Variants in CMSS1 observed in about 807,000 individuals in gnomAD.
CMSS1 encodes protein CMSS1.
In CMSS1, 33 loss-of-function variants were observed where a neutral mutation model predicts 43.5. The observed-to-expected ratio is 0.76, with a 90% confidence interval of 0.57 to 1.01. The LOEUF (loss-of-function observed/expected upper bound fraction) is 1.01. Ranked by LOEUF, CMSS1 falls within the 50% of genes least tolerant of loss-of-function variation. The probability of loss-of-function intolerance (pLI) is 0.00; values close to 1 mark genes in which losing one functional copy is unlikely to be tolerated. For missense variants in CMSS1, 313 were observed against 326.4 expected, an observed-to-expected ratio of 0.96 and a Z score of 0.32; for synonymous variants, 115 against 117.2, an observed-to-expected ratio of 0.98 and a Z score of 0.12.
chr3:100,038,877 T>A (rs190452894), intron 1 of CMSS1, among the ~76,000 whole-genome samples: 2 of 152,096 alleles, frequency 1.3e-5, no homozygotes, highest in African/African-American at 4.8e-5. Flanking sequence ...GAACATATTG[T>A]CTATATCGTA....
At chr3:100,010,778 A>ATTTTTTTTTTTTTTTTTTT (rs11371196) in intron 1 of CMSS1, among the ~76,000 whole-genome samples, 4 of 93,678 alleles carry the variant, frequency 4.3e-5, no homozygotes, top group Non-Finnish European at 5.9e-5. Context: ...CCACGCCCGG[A>ATTTTTTTTTTTTTTTTTTT]TTTTTTTTTT....
intron 9 of CMSS1, 53 bp downstream of exon 9, chr3:100,176,468 G>C: frequency 1.7e-6 from 2 of 1,192,048 alleles, no homozygotes; most frequent in South Asian, 2.5e-5. Flanking sequence ...TTTGAACTTG[G>C]TTCAAACACA....
intron 1 of CMSS1, among the ~76,000 whole-genome samples, chr3:100,061,240 C>T (rs916833510): frequency 6.6e-6 from 1 of 152,098 alleles, no homozygotes; most frequent in African/African-American, 2.4e-5. Flanking sequence ...ACAAGTGATC[C>T]CTCTGTACAC....
intron 1 of CMSS1, among the ~76,000 whole-genome samples, chr3:100,108,870 A>T (rs1302847195): frequency 6.6e-6 from 1 of 152,090 alleles, no homozygotes; most frequent in Non-Finnish European, 1.5e-5. Context: ...CTATCTGAAT[A>T]CTAAAATCAG....
chr3:99,909,070 T>A (rs567733439), intron 1 of CMSS1, among the ~76,000 whole-genome samples: 65 of 152,296 alleles, frequency 4.3e-4, no homozygotes, highest in African/African-American at 1.5e-3. Flanking sequence ...AAAGGAATGC[T>A]TACCTGGAAA....
intron 1 of CMSS1, among the ~76,000 whole-genome samples, chr3:100,123,066 T>C (rs1011170685): frequency 6.6e-6 from 1 of 152,204 alleles, no homozygotes; most frequent in African/African-American, 2.4e-5. Context: ...GTAAAGTCTA[T>C]GGGAAGGATC....
intron 1 of CMSS1, among the ~76,000 whole-genome samples, chr3:99,983,384 A>AT (rs1559713275): frequency 1.3e-3 from 42 of 32,310 alleles, no homozygotes; most frequent in African/African-American, 3.1e-3. Flanking sequence ...AAAAATAAAT[A>AT]AATAAATATA....
At chr3:100,065,606 A>C (rs1014493933) in intron 1 of CMSS1, among the ~76,000 whole-genome samples, 1 of 152,174 alleles carries the variant, frequency 6.6e-6, no homozygotes, top group Non-Finnish European at 1.5e-5. Context: ...TAATGAAAAA[A>C]GTATTCACTT....
chr3:99,850,519 T>G, intron 1 of CMSS1: 1 of 1,613,284 alleles, frequency 6.2e-7, no homozygotes, highest in Non-Finnish European at 8.5e-7. Flanking sequence ...GAGCTCTTCA[T>G]CTTTCCCTTC....
intron 1 of CMSS1, among the ~76,000 whole-genome samples, chr3:99,991,258 G>A (rs900523398): frequency 6.6e-6 from 1 of 152,120 alleles, no homozygotes; most frequent in African/African-American, 2.4e-5. Context: ...ATTTCAAATG[G>A]CTGATCTACC....
At chr3:99,924,825 A>C (rs1229233908) in intron 1 of CMSS1, among the ~76,000 whole-genome samples, 1 of 152,158 alleles carries the variant, frequency 6.6e-6, no homozygotes, top group African/African-American at 2.4e-5. Context: ...CCCGGCCAGC[A>C]GTGGGTTTTT....
chr3:100,147,792 T>C (rs940064213), intron 2 of CMSS1, among the ~76,000 whole-genome samples: 3 of 152,222 alleles, frequency 2.0e-5, no homozygotes, highest in Non-Finnish European at 4.4e-5. Context: ...CCCAGAATTA[T>C]GGTCTGTCAT....
intron 1 of CMSS1, chr3:99,848,129 T>C (rs1943451484): frequency 2.0e-6 from 3 of 1,479,800 alleles, no homozygotes; most frequent in East Asian, 4.8e-5. Context: ...AGGCAACAGT[T>C]AGTTTCAGAT....
intron 1 of CMSS1, among the ~76,000 whole-genome samples, chr3:99,840,950 C>T (rs1182305706): frequency 1.3e-5 from 2 of 152,276 alleles, no homozygotes; most frequent in South Asian, 4.1e-4. Flanking sequence ...TGACAGTTTC[C>T]CACTTGATTA....
intron 1 of CMSS1, among the ~76,000 whole-genome samples, chr3:100,010,826 A>G (rs1710131741): frequency 2.4e-5 from 3 of 123,820 alleles, no homozygotes; most frequent in Admixed American, 1.0e-4. Flanking sequence ...TGGGGGTTTC[A>G]GCATGTTGGT....
intron 1 of CMSS1, chr3:99,874,476 G>A (rs1162275543): frequency 6.6e-6 from 1 of 152,168 alleles, no homozygotes; most frequent in Non-Finnish European, 1.5e-5. Flanking sequence ...TTCTCATTAT[G>A]GTGGGCTTCC....
At chr3:100,058,900 CTAACT>C (rs2065511284) in intron 1 of CMSS1, among the ~76,000 whole-genome samples, 1 of 152,206 alleles carries the variant, frequency 6.6e-6, no homozygotes, top group African/African-American at 2.4e-5. Flanking sequence ...TTCTGATCTT[CTAACT>C]TAACTTGCAT....
intron 1 of CMSS1, among the ~76,000 whole-genome samples, chr3:100,016,550 C>A (rs1486271891): frequency 6.6e-6 from 1 of 152,120 alleles, no homozygotes; most frequent in African/African-American, 2.4e-5. Flanking sequence ...TGTGAGGGTG[C>A]CTTGCTGAAA....
chr3:100,024,484 G>A (rs2064882158), intron 1 of CMSS1, among the ~76,000 whole-genome samples: 1 of 152,062 alleles, frequency 6.6e-6, no homozygotes, highest in African/African-American at 2.4e-5. Flanking sequence ...TAAGTCACCT[G>A]CCTTTATCAG....
Sources: allele counts gnomAD v4.1 joint callset (sites outside exome capture counted in the v4.1 genomes callset), GRCh38; gene constraint gnomAD v4.1.1; transcripts MANE v1.5; gene names NCBI Gene and HGNC (gene_info 2026-07-23, HGNC 2026-07-21).